Variants in TUSC3 observed in about 807,000 individuals in gnomAD.
The protein encoded by TUSC3 is tumor suppressor candidate 3.
TUSC3 carries 45 observed loss-of-function variants against 44.8 expected under a neutral mutation model. The ratio of observed to expected loss-of-function variants is 1.00; its 90% confidence interval spans 0.79 to 1.29. The LOEUF (loss-of-function observed/expected upper bound fraction) is 1.29. Among genes scored for constraint, TUSC3 ranks in the 50% most tolerant of loss-of-function variants. TUSC3 has a pLI of 0.00. For missense variants in TUSC3, 519 were observed against 437.9 expected (o/e 1.19, Z -1.65); for synonymous variants, 212 against 152.9 (o/e 1.39, Z -2.85).
the TUSC3 span, among the ~76,000 whole-genome samples, chr8:15,784,494 G>A: frequency 7.1e-6 from 1 of 140,658 alleles, no homozygotes; most frequent in South Asian, 2.4e-4. Flanking sequence ...AAAATGTTAT[G>A]TGTATGTGTG....
the TUSC3 span, among the ~76,000 whole-genome samples, chr8:15,791,570 T>C: frequency 6.6e-6 from 1 of 152,170 alleles, no homozygotes; most frequent in Non-Finnish European, 1.5e-5. Context: ...ATTGGCCAGC[T>C]CTGTTAGAAC....
intron 6 of TUSC3, among the ~76,000 whole-genome samples, chr8:15,677,901 A>G (rs1808259813): frequency 6.6e-6 from 1 of 152,224 alleles, no homozygotes; most frequent in South Asian, 2.1e-4. Flanking sequence ...AAGCACTTTT[A>G]AAAGTTGAAA....
At chr8:15,547,264 T>A (rs1200273123) in intron 1 of TUSC3, among the ~76,000 whole-genome samples, 1 of 151,646 alleles carries the variant, frequency 6.6e-6, no homozygotes, top group Non-Finnish European at 1.5e-5. Flanking sequence ...ATTTTAGAAG[T>A]ATAATTTTTA....
chr8:15,440,497 A>G (rs960913566), intron 1 of TUSC3, among the ~76,000 whole-genome samples: 1 of 152,196 alleles, frequency 6.6e-6, no homozygotes, highest in African/African-American at 2.4e-5. Context: ...AACAAATCTC[A>G]CTGATGTTGC....
intron 5 of TUSC3, among the ~76,000 whole-genome samples, chr8:15,665,765 C>G (rs997679694): frequency 6.6e-6 from 1 of 151,022 alleles, no homozygotes; most frequent in African/African-American, 2.4e-5. Context: ...GTTAGAATTT[C>G]CTGGTTCTTA....
Position 15,743,553 on chromosome 8 carries a change from T to G in TUSC3, c.878T>G (p.Met293Arg). 1 of 1,613,944 alleles carries G rather than the reference T, an allele frequency of 6.2e-7. No homozygotes were observed. Residue 293 changes from methionine (M) to arginine (R), a missense_variant, in exon 8 of 11, where the codon ATG becomes AGG. Transcript: ENST00000503731. ...IILVLNAAIT[M>R]GMVLLNEAAT... ...ACTACTGCAGATGCCGCTATCACCA[T>G]GGGGATGGTTCTTCTAAATGAAGCA...
At chr8:15,752,897 C>T (rs1404156265) in intron 9 of TUSC3, among the ~76,000 whole-genome samples, 1 of 151,912 alleles carries the variant, frequency 6.6e-6, no homozygotes, top group Non-Finnish European at 1.5e-5. Flanking sequence ...TTCTTGTGAG[C>T]TCCAGAAGTT....
intron 1 of TUSC3, among the ~76,000 whole-genome samples, chr8:15,620,625 T>TG (rs1805202070): frequency 6.6e-6 from 1 of 152,136 alleles, no homozygotes; most frequent in Non-Finnish European, 1.5e-5. Context: ...TATGCATTCT[T>TG]GTGTTTTGCT....
intron 3 of TUSC3, among the ~76,000 whole-genome samples, chr8:15,658,657 C>CAT (rs1554469894): frequency 5.3e-5 from 8 of 150,604 alleles, no homozygotes; most frequent in African/African-American, 2.0e-4. Context: ...CACACACACA[C>CAT]ACAAATACAA....
chr8:15,418,350 G>T (rs533209974), intron 1 of TUSC3, among the ~76,000 whole-genome samples: 4 of 151,922 alleles, frequency 2.6e-5, no homozygotes, highest in African/African-American at 9.7e-5. Context: ...CATAGATGAC[G>T]CATTTTTTTT....
intron 1 of TUSC3, among the ~76,000 whole-genome samples, chr8:15,590,611 C>T (rs1242707148): frequency 3.3e-5 from 5 of 151,734 alleles, no homozygotes; most frequent in Non-Finnish European, 1.5e-5. Context: ...GTGGGGGATT[C>T]TTCAAAGTAT....
chr8:15,434,868 T>C (rs978788312), intron 1 of TUSC3, among the ~76,000 whole-genome samples: 6 of 152,058 alleles, frequency 3.9e-5, no homozygotes, highest in African/African-American at 9.7e-5. Flanking sequence ...CATGAACTCA[T>C]CATTTTTTAT....
chr8:15,536,145 C>T (rs551210982), upstream of TUSC3, among the ~76,000 whole-genome samples: 1 of 152,102 alleles, frequency 6.6e-6, no homozygotes, highest in East Asian at 1.9e-4. Flanking sequence ...AAGGGAACAG[C>T]AGTACAAAGT....
the TUSC3 span, among the ~76,000 whole-genome samples, chr8:15,830,034 C>G: frequency 6.6e-6 from 1 of 151,994 alleles, no homozygotes; most frequent in Non-Finnish European, 1.5e-5. Context: ...ATTTGCATTT[C>G]TCTTATGATT....
chr8:15,731,242 A>T (rs1034625885), intron 7 of TUSC3, among the ~76,000 whole-genome samples: 1 of 152,140 alleles, frequency 6.6e-6, no homozygotes, highest in African/African-American at 2.4e-5. Flanking sequence ...AGTTAGAAGG[A>T]TGAAGAATGT....
intron 2 of TUSC3, among the ~76,000 whole-genome samples, chr8:15,527,197 C>G (rs1233220706): frequency 6.6e-6 from 1 of 152,060 alleles, no homozygotes; most frequent in African/African-American, 2.4e-5. Flanking sequence ...GAATTCTTTT[C>G]TATGTGCAGC....
At chr8:15,849,038 A>G in the TUSC3 span, among the ~76,000 whole-genome samples, 1 of 152,220 alleles carries the variant, frequency 6.6e-6, no homozygotes, top group Non-Finnish European at 1.5e-5. Flanking sequence ...ATAAAGTAAG[A>G]GCTCAAATTC....
rs993391939 is a variant in TUSC3 at position 15,637,836 on chromosome 8, C to G, written c.309-12861C>G. Among the ~76,000 whole-genome samples the G allele has an allele frequency of 3.5e-4, 53 of 152,244 alleles. 1 individual carries two copies. The highest frequency in any genetic ancestry group is 1.2e-3 in the African/African-American group (48 of 41,538). ...TCCCCCGCTCACTTCTTCCTCCCTC[C>G]TATTTCTTCCTCTCTCCTCCTTCTT... is the stretch of plus-strand genomic sequence containing the variant. On this transcript the variant is annotated intron_variant, in intron 2 of 10. Coordinates refer to ENST00000503731, the MANE Select transcript of TUSC3 (RefSeq NM_006765.4).
chr8:15,755,688 T>C (rs1053951748), intron 9 of TUSC3, among the ~76,000 whole-genome samples: 4 of 151,770 alleles, frequency 2.6e-5, no homozygotes, highest in Admixed American at 2.0e-4. Flanking sequence ...GCAACTACTT[T>C]GGCACTGGAG....
Sources: gnomAD v4.1 joint callset for allele counts (sites outside exome capture counted in the v4.1 genomes callset) on GRCh38, gnomAD v4.1.1 for gene constraint, MANE v1.5 for transcripts, NCBI Gene and HGNC (gene_info 2026-07-23, HGNC 2026-07-21) for gene names.